The following SHLD1 variants were observed in gnomAD, a reference collection of about 807,000 sequenced individuals.
The protein encoded by SHLD1 is shieldin complex subunit 1, also known as RINN1-REV7-interacting novel NHEJ regulator 3.
SHLD1 carries 3 observed loss-of-function variants against 5.5 expected under a neutral mutation model. The ratio of observed to expected loss-of-function variants is 0.54; its 90% confidence interval spans 0.25 to 1.40. The LOEUF (loss-of-function observed/expected upper bound fraction) is 1.40, where lower values mean the gene tolerates loss of function less well. SHLD1 is among the 40% of genes most tolerant of loss of function. SHLD1 has a pLI of 0.15. For missense variants in SHLD1, 210 were observed against 244.4 expected (o/e 0.86, Z 0.94); for synonymous variants, 92 against 94.3 (o/e 0.98, Z 0.14).
intron 2 of SHLD1, among the ~76,000 whole-genome samples, chr20:5,810,996 G>T (rs2087451300): frequency 6.6e-6 from 1 of 152,000 alleles, no homozygotes; most frequent in African/African-American, 2.4e-5. Flanking sequence ...AAGTGCTGAT[G>T]ACCTAATACT....
At chr20:5,767,822 G>A (rs929573841) in intron 1 of SHLD1, among the ~76,000 whole-genome samples, 1 of 152,154 alleles carries the variant, frequency 6.6e-6, no homozygotes, top group African/African-American at 2.4e-5. Context: ...CACCTTGGAG[G>A]TTTCCAGAGC....
chr20:5,775,727 C>G (rs186506765), intron 2 of SHLD1, among the ~76,000 whole-genome samples: 9 of 152,092 alleles, frequency 5.9e-5, no homozygotes, highest in African/African-American at 2.2e-4. Context: ...TTTGGGCGAG[C>G]CACTTAGCCC....
chr20:5,770,585 C>G (rs1273065923), intron 1 of SHLD1, among the ~76,000 whole-genome samples: 1 of 152,188 alleles, frequency 6.6e-6, no homozygotes, highest in Non-Finnish European at 1.5e-5. Flanking sequence ...TTCAGGCAAG[C>G]CTTTAAAATC....
intron 2 of SHLD1, among the ~76,000 whole-genome samples, chr20:5,842,131 G>A (rs971304154): frequency 1.3e-5 from 2 of 152,164 alleles, no homozygotes; most frequent in African/African-American, 4.8e-5. Flanking sequence ...AGATGATCAC[G>A]TGTGATTTGA....
chr20:5,755,559 C>A (rs951585670), intron 1 of SHLD1, among the ~76,000 whole-genome samples: 1 of 150,904 alleles, frequency 6.6e-6, no homozygotes, highest in African/African-American at 2.4e-5. Context: ...TTTTCTTTTT[C>A]TTTTTCTTTT....
At chr20:5,838,733 G>A (rs986848524) in intron 2 of SHLD1, among the ~76,000 whole-genome samples, 3 of 152,202 alleles carry the variant, frequency 2.0e-5, no homozygotes, top group African/African-American at 7.2e-5. Flanking sequence ...AGCTGAGACG[G>A]CGCCACTGCA....
At chr20:5,774,816 C>G in intron 2 of SHLD1, among the ~76,000 whole-genome samples, 1 of 152,292 alleles carries the variant, frequency 6.6e-6, no homozygotes, top group Non-Finnish European at 1.5e-5. Flanking sequence ...TCGGCAGGGA[C>G]ACAAATCCAA....
intron 2 of SHLD1, among the ~76,000 whole-genome samples, chr20:5,812,468 T>C (rs945995048): frequency 2.6e-5 from 4 of 152,194 alleles, no homozygotes; most frequent in African/African-American, 4.8e-5. Context: ...AACTTTAGAG[T>C]CCTTCTTTCC....
intron 1 of SHLD1, among the ~76,000 whole-genome samples, chr20:5,764,140 ATATATATATATTTATATTT>A (rs1568489999): frequency 0.012 from 502 of 42,552 alleles, 9 homozygotes; most frequent in African/African-American, 0.028. Flanking sequence ...AAAAAAAAAA[ATATATATATATTTATATTT>A]ATATATATAT....
intron 2 of SHLD1, among the ~76,000 whole-genome samples, chr20:5,787,216 C>T (rs1415661427): frequency 6.6e-6 from 1 of 152,208 alleles, no homozygotes; most frequent in African/African-American, 2.4e-5. Context: ...TTAAATTTCT[C>T]ACACCAGGTA....
intron 2 of SHLD1, among the ~76,000 whole-genome samples, chr20:5,788,656 C>T (rs1284319396): frequency 1.3e-5 from 2 of 152,192 alleles, no homozygotes; most frequent in Non-Finnish European, 2.9e-5. Flanking sequence ...TCTGTGCCTA[C>T]TCGAGGTAGA....
chr20:5,819,286 G>A lies in SHLD1; in HGVS notation c.179-43738G>A, dbSNP rs370584537. 8.5e-5 allele frequency among the ~76,000 whole-genome samples: 13 copies of A among 152,274 alleles called. 1 individual carries two copies. Among genetic ancestry groups the A allele is most frequent in the Admixed American group, 2.0e-4 (3 of 15,292 alleles). ...CTCAGGTTATGAGACCTGAGGGTCC[G>A]TGACAACTGAAAAACAACTCACAAC... is the stretch of plus-strand genomic sequence containing the variant. On this transcript the variant is annotated intron_variant, in intron 2 of 2. Coordinates refer to ENST00000303142, the MANE Select transcript of SHLD1 (RefSeq NM_152504.4).
At chr20:5,778,457 A>G (rs1985540406) in intron 2 of SHLD1, among the ~76,000 whole-genome samples, 1 of 151,890 alleles carries the variant, frequency 6.6e-6, no homozygotes, top group South Asian at 2.1e-4. Flanking sequence ...AAATTTAAAA[A>G]TTAGCCGGGT....
rs748543389 is a variant in SHLD1, at chr20:5,837,467, AC to A, written c.179-25551del. On this transcript the variant is annotated intron_variant, in intron 2 of 2. Transcript: ENST00000303142. The stretch of plus-strand genomic sequence containing the variant: ...CCTGATGCTCTCCCTCCCCCCACAC[AC>A]CCCCCACCTCCAACAGGCCCCGCTG... 1.2e-3 allele frequency among the ~76,000 whole-genome samples: 152 copies of A among 126,636 alleles called. 5 individuals are homozygous for A. In the East Asian group the frequency reaches 0.03, roughly 25 times the overall value. The allele number at this position is 126,636 out of a possible 152,430, so 83.1% of individuals were successfully genotyped here. A position where few individuals can be genotyped will look rare whatever the true frequency, so the allele number is the denominator to read the frequency against.
chr20:5,784,675 C>T (rs536218226), intron 2 of SHLD1, among the ~76,000 whole-genome samples: 5 of 152,152 alleles, frequency 3.3e-5, no homozygotes, highest in African/African-American at 7.2e-5. Flanking sequence ...TGGTCTCGAT[C>T]GCCTGACCTT....
rs1036347529 is a variant in SHLD1 at position 5,849,755 on chromosome 20, C to T, written c.179-13269C>T. 1.1e-3 allele frequency among the ~76,000 whole-genome samples: 169 copies of T among 149,550 alleles called. 1 individual carries two copies. Among genetic ancestry groups the T allele is most frequent in the African/African-American group, 3.9e-3 (157 of 40,600 alleles). On this transcript the variant is annotated intron_variant, in intron 2 of 2. Transcript: ENST00000303142. Reference sequence around the variant, plus strand: ...CGGGTGGATCATGAGGTCAGGAGATCGAGACCATCCTGGCTAACAAGGTGA... The same window carrying T: ...CGGGTGGATCATGAGGTCAGGAGATTGAGACCATCCTGGCTAACAAGGTGA...
At chr20:5,758,003 C>T (rs144405403) in intron 1 of SHLD1, among the ~76,000 whole-genome samples, 12 of 152,154 alleles carry the variant, frequency 7.9e-5, no homozygotes, top group East Asian at 1.9e-4. Context: ...TGATTTCTTG[C>T]GCTATCTTTA....
At chr20:5,792,329 T>C (rs2087152742) in intron 2 of SHLD1, among the ~76,000 whole-genome samples, 1 of 152,188 alleles carries the variant, frequency 6.6e-6, no homozygotes, top group Non-Finnish European at 1.5e-5. Context: ...TTAGGGCTTA[T>C]GTTTAGGTCT....
chr20:5,839,483 A>AG (rs1201581537), intron 2 of SHLD1, among the ~76,000 whole-genome samples: 4 of 118,348 alleles, frequency 3.4e-5, no homozygotes, highest in Non-Finnish European at 1.7e-5. Flanking sequence ...TAAATTAGAT[A>AG]GAAAGATAGA....
Sources: gnomAD v4.1 joint callset for allele counts (sites outside exome capture counted in the v4.1 genomes callset) on GRCh38, gnomAD v4.1.1 for gene constraint, MANE v1.5 for transcripts, NCBI Gene and HGNC (gene_info 2026-07-23, HGNC 2026-07-21) for gene names.